DNAH7: variants seen among roughly 807,000 people sequenced by gnomAD.
The protein encoded by DNAH7 is dynein axonemal heavy chain 7, also known as axonemal beta dynein heavy chain 7.
In DNAH7, 397 loss-of-function variants were observed where a neutral mutation model predicts 444.6. The observed-to-expected ratio is 0.89, with a 90% confidence interval of 0.82 to 0.97. DNAH7 has a LOEUF of 0.97. Ranked by LOEUF, DNAH7 falls within the 50% of genes least tolerant of loss-of-function variation. The pLI is 0.00. For synonymous variants in DNAH7, 1,636 were observed against 1,624.4 expected, an observed-to-expected ratio of 1.01 and a Z score of -0.17; for missense variants, 4,902 against 4,800.8, an observed-to-expected ratio of 1.02 and a Z score of -0.62.
rs199557789 is a variant in DNAH7 at position 195,787,675 on chromosome 2, TC to T, written c.10717-505del. On this transcript the variant is annotated intron_variant, in intron 57 of 64. Coordinates refer to ENST00000312428, the MANE Select transcript of DNAH7 (RefSeq NM_018897.3). ...TATGCTGGGAGTCCCCTTCCCCTAA[TC>T]CCCAGTAGGGAGGGTTGTGTGGGGT... Among the ~76,000 whole-genome samples the T allele has an allele frequency of 9.1e-4, 139 of 152,168 alleles. 1 individual carries two copies. The East Asian group carries it at 0.024, about 26-fold the overall frequency.
chr2:195,741,310 G>A (rs966431794), intron 63 of DNAH7, among the ~76,000 whole-genome samples: 10 of 152,152 alleles, frequency 6.6e-5, no homozygotes, highest in Admixed American at 1.3e-4. Flanking sequence ...CTCTAATGTC[G>A]TAAGAGTTAA....
chr2:196,026,933 T>G lies in DNAH7; in HGVS notation c.494A>C (p.Tyr165Ser), dbSNP rs766361250. Residue 165 changes from tyrosine to serine, a missense_variant, in exon 7 of 65, where the codon TAC becomes TCC. Transcript: ENST00000312428. Reference protein sequence around the residue: ...SAIEKDILRYYYYIHHGIDTD... With the variant: ...SAIEKDILRYSYYIHHGIDTD... ...ATCAATTCCATGGTGAATATAATAG[T>G]AATATCTCTACAAAAAGAAGATAGG... 3.2e-6 allele frequency: 5 copies of G among 1,585,910 alleles called. No homozygotes were observed. The South Asian group carries it at 3.5e-5, about 11-fold the overall frequency.
chr2:195,861,284 T>C (rs1288860242), intron 42 of DNAH7, among the ~76,000 whole-genome samples: 1 of 152,322 alleles, frequency 6.6e-6, no homozygotes, highest in Non-Finnish European at 1.5e-5. Flanking sequence ...ACATTGACAC[T>C]TTCTATAGCA....
At chr2:196,040,038 T>C (rs1177541204) in intron 5 of DNAH7, among the ~76,000 whole-genome samples, 2 of 152,018 alleles carry the variant, frequency 1.3e-5, no homozygotes, top group East Asian at 1.9e-4. Context: ...AACAAAATTA[T>C]TTGCACAGAC....
In DNAH7 at chr2:195,864,242, C is replaced by A; in HGVS notation, c.7413G>T (p.Val2471=). The change falls in exon 41 of 65, where the codon GTG becomes GTT. Residue 2471 remains valine, a synonymous_variant. Coordinates refer to ENST00000312428, the MANE Select transcript of DNAH7 (RefSeq NM_018897.3). The stretch of plus-strand genomic sequence containing the variant: ...CTCCAATGGGACTCATGGCAAGGAC[C>A]ACATGCAGTTGGCTGCGGCAATGAT... ...FIDHCRSQLH[V]VLAMSPIGDA... is the part of the protein sequence containing the mutation. 1.2e-6 allele frequency: 2 copies of A among 1,614,142 alleles called. No individual in the cohort carries two copies. The highest frequency in any genetic ancestry group is 1.7e-6 in the Non-Finnish European group (2 of 1,180,014).
intron 63 of DNAH7, among the ~76,000 whole-genome samples, chr2:195,745,990 C>T (rs1388560514): frequency 3.3e-5 from 5 of 152,200 alleles, no homozygotes; most frequent in Non-Finnish European, 1.5e-5. Flanking sequence ...ATCAAATTCA[C>T]ACATAACAAT....
intron 19 of DNAH7, among the ~76,000 whole-genome samples, chr2:195,946,585 T>C (rs781226951): frequency 3.1e-4 from 47 of 152,116 alleles, no homozygotes; most frequent in Non-Finnish European, 5.9e-4. Context: ...TGACAGGAGG[T>C]TAATTACCTT....
chr2:195,978,669 C>T (rs1692360175), intron 15 of DNAH7, among the ~76,000 whole-genome samples: 1 of 152,124 alleles, frequency 6.6e-6, no homozygotes, highest in African/African-American at 2.4e-5. Flanking sequence ...TGATCTTTCA[C>T]CTACAAGAAA....
chr2:195,802,707 A>G (rs377093979), intron 54 of DNAH7, among the ~76,000 whole-genome samples: 3 of 152,052 alleles, frequency 2.0e-5, no homozygotes, highest in Middle Eastern at 3.2e-3. Flanking sequence ...CAAAAAAAAA[A>G]CAAAAATTTT....
chr2:195,860,325 A>G (rs1325895595), intron 42 of DNAH7, among the ~76,000 whole-genome samples: 1 of 152,134 alleles, frequency 6.6e-6, no homozygotes, highest in East Asian at 1.9e-4. Flanking sequence ...TCAATCTCCA[A>G]GAGCTTTTGA....
chr2:195,901,561 A>G (rs1686708497), intron 27 of DNAH7: 1 of 152,136 alleles, frequency 6.6e-6, no homozygotes, highest in Non-Finnish European at 1.5e-5. Context: ...AGACTCTCCC[A>G]GGATGTTCAA....
At chr2:195,995,386 G>T in intron 12 of DNAH7, 1 of 510,116 alleles carries the variant, frequency 2.0e-6, no homozygotes, top group Non-Finnish European at 4.0e-6. Context: ...AGCACACCAA[G>T]GGATGTATCA....
chr2:195,850,610 C>T (rs1274569822), intron 46 of DNAH7, among the ~76,000 whole-genome samples: 4 of 152,158 alleles, frequency 2.6e-5, no homozygotes, highest in Non-Finnish European at 5.9e-5. Context: ...TAATTGACGA[C>T]TACTCAGATT....
chr2:195,958,641 A>G (rs1327585696), intron 18 of DNAH7, among the ~76,000 whole-genome samples: 1 of 152,218 alleles, frequency 6.6e-6, no homozygotes, highest in Non-Finnish European at 1.5e-5. Context: ...TAAATTTACA[A>G]TAGGTTATCA....
chr2:196,041,709 T>A (rs1461577989), intron 5 of DNAH7, among the ~76,000 whole-genome samples: 1 of 151,418 alleles, frequency 6.6e-6, no homozygotes, highest in East Asian at 1.9e-4. Context: ...CAAGATTATA[T>A]CAAGCTAAAA....
chr2:195,997,048 C>A (rs1243403393), intron 12 of DNAH7, among the ~76,000 whole-genome samples: 2 of 152,282 alleles, frequency 1.3e-5, no homozygotes, highest in East Asian at 3.9e-4. Context: ...TAAGATAAAG[C>A]AATCTATATG....
intron 60 of DNAH7, among the ~76,000 whole-genome samples, chr2:195,774,082 T>C (rs1694960986): frequency 6.6e-6 from 1 of 152,218 alleles, no homozygotes; most frequent in African/African-American, 2.4e-5. Flanking sequence ...GTTTAATTAT[T>C]TACTGAAAAG....
In DNAH7 at chr2:195,960,240, C is replaced by A; in HGVS notation, c.2891+20G>T. The A allele has an allele frequency of 6.4e-7, 1 of 1,565,022 alleles. No individual in the cohort carries two copies. Among genetic ancestry groups the A allele is most frequent in the Non-Finnish European group, 8.7e-7 (1 of 1,155,346 alleles). ...TTTTGGTAACATAGCATAAACATTG[C>A]CATATAAATATCACTTTACCTCATT... is the stretch of plus-strand genomic sequence containing the variant. On this transcript the variant is annotated intron_variant, in intron 18 of 64. Coordinates refer to ENST00000312428, the MANE Select transcript of DNAH7 (RefSeq NM_018897.3).
At chr2:195,746,688 A>T (rs1693429381) in intron 63 of DNAH7, among the ~76,000 whole-genome samples, 1 of 152,238 alleles carries the variant, frequency 6.6e-6, no homozygotes, top group Admixed American at 6.5e-5. Flanking sequence ...CAGGATTAAG[A>T]AACTCACTCA....
Sources: allele counts gnomAD v4.1 joint callset (sites outside exome capture counted in the v4.1 genomes callset), GRCh38; gene constraint gnomAD v4.1.1; transcripts MANE v1.5; gene names NCBI Gene and HGNC (gene_info 2026-07-23, HGNC 2026-07-21).